The following NCOR1 variants were observed in gnomAD, a reference collection of about 807,000 sequenced individuals.
The protein encoded by NCOR1 is nuclear receptor corepressor 1, also known as protein phosphatase 1, regulatory subunit 109.
In NCOR1, 63 loss-of-function variants were observed where a neutral mutation model predicts 288.1. The observed-to-expected ratio is 0.22, with a 90% CI of 0.18 to 0.27. The LOEUF is 0.27. Ranked by LOEUF, NCOR1 falls within the 10% of genes least tolerant of loss-of-function variation. The pLI is 1.00. For synonymous variants in NCOR1, 1,007 were observed against 1,065.9 expected (o/e 0.94, Z 1.08); for missense variants, 2,397 against 3,019.2 (o/e 0.79, Z 4.83).
chr17:16,099,925 A>C (rs1216814359), intron 20 of NCOR1, among the ~76,000 whole-genome samples: 5 of 152,252 alleles, frequency 3.3e-5, no homozygotes. Context: ...CCATATTATT[A>C]TTCTAGTATC....
At chr17:16,094,133 C>T (rs1171166666) in intron 21 of NCOR1, among the ~76,000 whole-genome samples, 2 of 151,920 alleles carry the variant, frequency 1.3e-5, no homozygotes, top group Admixed American at 6.6e-5. Flanking sequence ...GGAACTCCTG[C>T]GGTCAAGTGA....
intron 22 of NCOR1, 55 bp from the exon 23 acceptor site, chr17:16,086,497 A>G: frequency 6.8e-7 from 1 of 1,466,726 alleles, no homozygotes; most frequent in Non-Finnish European, 9.3e-7. Context: ...AGTTTACAAC[A>G]TGTTACCTCT....
intron 26 of NCOR1, among the ~76,000 whole-genome samples, chr17:16,077,949 A>C (rs1176499234): frequency 6.6e-6 from 1 of 152,234 alleles, no homozygotes; most frequent in Admixed American, 6.5e-5. Context: ...TAACTTTCAA[A>C]TATCAAACTG....
In NCOR1 at chr17:16,208,206, A is replaced by ATTTTTTTTTTTTTTT. The variant is rs757019446; in HGVS notation, c.-71+7141_-71+7155dup. On this transcript the variant is annotated intron_variant, in intron 1 of 45. Coordinates refer to ENST00000268712, the MANE Select transcript of NCOR1 (RefSeq NM_006311.4). ...CAGGCGCGTGCCACCATGCCCAGCTATTTTTTTTTTTTTTTTTTTTTTTTT... is the reference window on the plus strand; with the variant it reads ...CAGGCGCGTGCCACCATGCCCAGCTATTTTTTTTTTTTTTTTTTTTTTTTTTTTTTTTTTTTTTTT... 8.5e-3 allele frequency among the ~76,000 whole-genome samples: 558 copies of ATTTTTTTTTTTTTTT among 65,526 alleles called. 7 individuals carry two copies. Among genetic ancestry groups the ATTTTTTTTTTTTTTT allele is most frequent in the Non-Finnish European group, 0.011 (391 of 36,350 alleles). The allele number at this position is 65,526 out of a possible 152,430, so 43.0% of individuals were successfully genotyped here. A position where few individuals can be genotyped will look rare whatever the true frequency, so the allele number is the denominator to read the frequency against.
chr17:16,047,152 C>T (rs2058762179), intron 41 of NCOR1, 59 bp from the exon 42 acceptor site: 1 of 1,504,572 alleles, frequency 6.6e-7, no homozygotes, highest in Admixed American at 2.1e-5. Flanking sequence ...GGGGACATTC[C>T]TATCAATGAT....
chr17:16,166,602 C>T (rs889801150), intron 4 of NCOR1, among the ~76,000 whole-genome samples: 1 of 151,988 alleles, frequency 6.6e-6, no homozygotes, highest in African/African-American at 2.4e-5. Flanking sequence ...ATGGCTTGAA[C>T]CCAGGAGGCA....
At chr17:16,050,597 A>G (rs1239613640) in intron 40 of NCOR1, among the ~76,000 whole-genome samples, 1 of 152,220 alleles carries the variant, frequency 6.6e-6, no homozygotes, top group Non-Finnish European at 1.5e-5. Flanking sequence ...AATTATGACT[A>G]TTAGACTAAA....
chr17:16,087,107 AC>A, intron 22 of NCOR1: 1 of 1,196,822 alleles, frequency 8.4e-7, no homozygotes, highest in African/African-American at 1.6e-5. Context: ...ACGAGATTAA[AC>A]CACCCACGTG....
rs774778469 is a variant in NCOR1, at chr17:16,126,122, TTTC to T, written c.1591_1593del (p.Glu531del). 127 of 1,512,502 alleles carry T rather than the reference TTTC, an allele frequency of 8.4e-5. No individual in the cohort carries two copies. The highest frequency in any genetic ancestry group is 3.8e-4 in the Middle Eastern group (2 of 5,270). 93.7% of individuals were successfully genotyped at this position (1,512,502 alleles called of 1,614,324 possible). ...TCATCTTTTTCCTCTTCATCTTTCT[TTTC>T]TTCTTCTTTTTTTTCTGTTTTTTCT... is the stretch of plus-strand genomic sequence containing the variant. On this transcript the variant is annotated inframe_deletion, in exon 15 of 46. Transcript: ENST00000268712.
intron 18 of NCOR1, among the ~76,000 whole-genome samples, chr17:16,114,746 C>T (rs767141809): frequency 2.0e-4 from 31 of 152,354 alleles, no homozygotes; most frequent in South Asian, 4.1e-4. Flanking sequence ...TGGGTTCCCA[C>T]GGTCTTGGGC....
intron 15 of NCOR1, among the ~76,000 whole-genome samples, chr17:16,123,444 T>G (rs1162321977): frequency 3.3e-5 from 5 of 152,228 alleles, no homozygotes; most frequent in African/African-American, 1.2e-4. Context: ...CTATTCATTT[T>G]ATCTTGCCAA....
At chr17:16,097,183 G>A (rs925074898) in intron 21 of NCOR1, among the ~76,000 whole-genome samples, 10 of 152,186 alleles carry the variant, frequency 6.6e-5, no homozygotes, top group Admixed American at 1.3e-4. Flanking sequence ...CTCCTGGCTG[G>A]GGCCTCTAGA....
intron 2 of NCOR1, among the ~76,000 whole-genome samples, chr17:16,189,767 T>G (rs78442543): frequency 0.018 from 2,813 of 152,208 alleles, 158 homozygotes; most frequent in East Asian, 0.16. Context: ...AAAACAAGAA[T>G]AAAGTGAAAC....
intron 3 of NCOR1, among the ~76,000 whole-genome samples, chr17:16,185,645 T>G (rs949404712): frequency 4.9e-5 from 6 of 122,624 alleles, no homozygotes; most frequent in Non-Finnish European, 9.5e-5. Context: ...ATCATGCCAC[T>G]GCACTCCAGC....
intron 14 of NCOR1, among the ~76,000 whole-genome samples, chr17:16,132,290 T>G (rs569896956): frequency 6.6e-6 from 1 of 152,350 alleles, no homozygotes; most frequent in South Asian, 2.1e-4. Context: ...AACTAGCAAG[T>G]ACCACAGTAA....
chr17:16,112,690 CA>C (rs1359829765), intron 18 of NCOR1, among the ~76,000 whole-genome samples: 5 of 152,086 alleles, frequency 3.3e-5, no homozygotes, highest in Non-Finnish European at 7.4e-5. Flanking sequence ...AGGGTTTCAC[CA>C]CGTTGGCCAG....
intron 18 of NCOR1, among the ~76,000 whole-genome samples, chr17:16,112,299 C>A (rs1175493437): frequency 1.3e-5 from 2 of 152,174 alleles, no homozygotes; most frequent in African/African-American, 4.8e-5. Context: ...GTTGCTACAG[C>A]ATATTTTTAA....
At chr17:16,040,291 G>A in intron 43 of NCOR1, 150 bp downstream of exon 43, 1 of 728,566 alleles carries the variant, frequency 1.4e-6, no homozygotes, top group Non-Finnish European at 2.5e-6. Context: ...TGTGCTACTG[G>A]GTAAACCTTC....
At chr17:16,213,149 G>C (rs2092289681) in intron 1 of NCOR1, among the ~76,000 whole-genome samples, 1 of 150,586 alleles carries the variant, frequency 6.6e-6, no homozygotes. Flanking sequence ...TTTTGATTAA[G>C]AGGATAGGCA....
Sources: allele counts gnomAD v4.1 joint callset (sites outside exome capture counted in the v4.1 genomes callset), GRCh38; gene constraint gnomAD v4.1.1; transcripts MANE v1.5; gene names NCBI Gene and HGNC (gene_info 2026-07-23, HGNC 2026-07-21).